The following RETREG2 variants were observed in gnomAD, a reference collection of about 807,000 sequenced individuals.
RETREG2 encodes the protein reticulophagy regulator family member 2.
RETREG2 carries 21 observed loss-of-function variants against 51.6 expected under a neutral mutation model. The observed-to-expected ratio is 0.41, with a 90% confidence interval of 0.29 to 0.59. The LOEUF is 0.59. Among genes scored for constraint, RETREG2 ranks in the 20% least tolerant of loss-of-function variants. The pLI is 0.34. For missense variants in RETREG2, 674 were observed against 646.0 expected, an observed-to-expected ratio of 1.04 and a Z score of -0.47; for synonymous variants, 339 against 288.6, an observed-to-expected ratio of 1.17 and a Z score of -1.77.
chr2:219,179,366 T>C (rs1476508968), intron 2 of RETREG2, among the ~76,000 whole-genome samples: 1 of 152,234 alleles, frequency 6.6e-6, no homozygotes, highest in Non-Finnish European at 1.5e-5. Flanking sequence ...TAGAACTTAC[T>C]TCATAGAGAG....
intron 2 of RETREG2, 140 bp from the exon 3 acceptor site, chr2:219,179,593 C>A: frequency 1.3e-6 from 1 of 779,610 alleles, no homozygotes; most frequent in Non-Finnish European, 2.2e-6. Flanking sequence ...CAGACGCAAA[C>A]AAAAACATGT....
chr2:219,178,753 C>T (rs1950228414), intron 1 of RETREG2, 120 bp downstream of exon 1: 2 of 1,248,754 alleles, frequency 1.6e-6, no homozygotes, highest in East Asian at 5.2e-5. Flanking sequence ...CCAGTTTTTG[C>T]AGGCTGACAT....
Position 219,181,660 on chromosome 2 carries a change from A to C in RETREG2, c.900A>C (p.Ala300=). 6.2e-7 allele frequency: 1 copy of C among 1,614,090 alleles called. No homozygotes were observed. Among genetic ancestry groups the C allele is most frequent in the Non-Finnish European group, 8.5e-7 (1 of 1,179,986 alleles). ...GCCAGGTGGATGTGAAGAAAACAGC[A>C]TTGGCCTTGGCCATTACAGACTCAG... The part of the protein sequence containing the change: ...FSPVVDVKKT[A]LALAITDSEL... Residue 300 remains alanine, a synonymous_variant, in exon 8 of 9, where the codon GCA becomes GCC. Coordinates refer to ENST00000430297, the MANE Select transcript of RETREG2 (RefSeq NM_024293.6).
intron 8 of RETREG2, 105 bp from the exon 9 acceptor site, chr2:219,181,908 T>C (rs1950284788): frequency 1.3e-6 from 2 of 1,559,112 alleles, no homozygotes; most frequent in Non-Finnish European, 1.7e-6. Flanking sequence ...ACCTAAGGCT[T>C]GGCCCAGCTT....
At position 219,182,766 on chromosome 2, in the gene RETREG2, T is replaced by TCTGCCTGC. The variant is rs749566443; in HGVS notation, c.*150_*157dup. On this transcript the variant is annotated 3_prime_UTR_variant, in exon 9 of 9. Transcript: ENST00000430297. The stretch of plus-strand genomic sequence containing the variant: ...CTGTCGGATGGTAGCTATTCCACCC[T>TCTGCCTGC]CTGCCTGCCTGCCTGCCTGCTGTCC... 16 of 961,314 alleles carry TCTGCCTGC rather than the reference T, an allele frequency of 1.7e-5. No homozygotes were observed. The highest frequency in any genetic ancestry group is 3.2e-4 in the Middle Eastern group (1 of 3,092). 59.5% of individuals were successfully genotyped at this position (961,314 alleles called of 1,614,324 possible). A position where few individuals can be genotyped will look rare whatever the true frequency, so the allele number is the denominator to read the frequency against.
chr2:219,180,781 T>A, intron 5 of RETREG2, 27 bp downstream of exon 5: 1 of 1,612,302 alleles, frequency 6.2e-7, no homozygotes, highest in Non-Finnish European at 8.5e-7. Flanking sequence ...CCTGCCCTAT[T>A]TAAAGCCCTC....
intron 2 of RETREG2, 148 bp downstream of exon 2, chr2:219,179,176 A>C: frequency 1.4e-6 from 1 of 709,648 alleles, no homozygotes. Flanking sequence ...AATTCCCTAA[A>C]ATGAGAATTG....
At position 219,181,116 on chromosome 2, in the gene RETREG2, T is replaced by C; in HGVS notation, c.695T>C (p.Met232Thr). Residue 232 changes from methionine (M) to threonine (T), a missense_variant, in exon 6 of 9, where the codon ATG becomes ACG. Transcript: ENST00000430297. ...LVVYHELIQR[M>T]YTRLEPLLMQ... ...GTTTATCATGAGCTGATCCAGAGGA[T>C]GTACACTCGCCTGGAGCCCCTGCTC... The C allele has an allele frequency of 6.2e-7, 1 of 1,614,162 alleles. No individual in the cohort carries two copies. Among genetic ancestry groups the C allele is most frequent in the South Asian group, 1.1e-5 (1 of 91,090 alleles).
rs1052693454 is a variant in RETREG2, at chr2:219,178,397, G to T, written c.45G>T (p.Gly15=). The T allele has an allele frequency of 2.0e-6, 1 of 504,126 alleles. No homozygotes were observed. 31.2% of individuals were successfully genotyped at this position (504,126 alleles called of 1,614,324 possible). ...GGGGNTGAGG[G]PGMGLSLGLG... is the part of the protein sequence containing the mutation. ...GGGGTAACACTGGCGCGGGTGGGGG[G>T]CCGGGGATGGGCCTGAGCCTGGGCC... The change falls in exon 1 of 9, where the codon GGG becomes GGT. Residue 15 remains glycine (G), a synonymous_variant. Coordinates refer to ENST00000430297, the MANE Select transcript of RETREG2 (RefSeq NM_024293.6).
At chr2:219,180,323 A>G in intron 4 of RETREG2, 78 bp downstream of exon 4, 2 of 1,555,224 alleles carry the variant, frequency 1.3e-6, no homozygotes, top group Non-Finnish European at 1.8e-6. Flanking sequence ...GTGGAGTGAT[A>G]TAAACTCCCC....
At position 219,182,213 on chromosome 2, in the gene RETREG2, C is replaced by T. The variant is rs1950290613; in HGVS notation, c.1216C>T (p.His406Tyr). ...ETLLRLSSPL[H>Y]FVNTHFNGAG... The stretch of plus-strand genomic sequence containing the variant: ...CTTGTTGCGGCTCTCATCCCCCCTC[C>T]ACTTTGTGAACACGCACTTCAATGG... Residue 406 changes from histidine (H) to tyrosine (Y), a missense_variant, in exon 9 of 9, where the codon CAC becomes TAC. His to Tyr is a moderately conservative substitution (Grantham distance 83, BLOSUM62 2). Transcript: ENST00000430297. 2 of 1,614,026 alleles carry T rather than the reference C, an allele frequency of 1.2e-6. No homozygotes were observed. Among genetic ancestry groups the T allele is most frequent in the Non-Finnish European group, 8.5e-7 (1 of 1,180,026 alleles).
intron 2 of RETREG2, 50 bp from the exon 3 acceptor site, chr2:219,179,681 GTC>G: frequency 6.4e-7 from 1 of 1,572,632 alleles, no homozygotes; most frequent in South Asian, 1.1e-5. Context: ...CTTGGGGAGT[GTC>G]TCCCAGGGCC....
At position 219,180,956 on chromosome 2, in the gene RETREG2, G is replaced by A. The variant is rs1313512440; in HGVS notation, c.641-106G>A. ...GCAAGAAGAGGTTGGCACAGCCTTG[G>A]GAAAGGACCTTGCCTACCTTCAGCA... is the stretch of plus-strand genomic sequence containing the variant. On this transcript the variant is annotated intron_variant, in intron 5 of 8. Transcript: ENST00000430297. The A allele has an allele frequency of 4.6e-6, 7 of 1,515,178 alleles. No homozygotes were observed. The East Asian group carries it at 1.6e-4, about 34-fold the overall frequency. 93.9% of individuals were successfully genotyped at this position (1,515,178 alleles called of 1,614,324 possible).
At chr2:219,181,286 A>G in intron 6 of RETREG2, 81 bp downstream of exon 6, 3 of 1,606,700 alleles carry the variant, frequency 1.9e-6, no homozygotes, top group African/African-American at 2.7e-5. Flanking sequence ...TGGAATTGAG[A>G]TCTTCTCCAG....
At position 219,182,134 on chromosome 2, in the gene RETREG2, A is replaced by C; in HGVS notation, c.1137A>C (p.Ser379=). The C allele has an allele frequency of 6.2e-7, 1 of 1,614,078 alleles. No homozygotes were observed. The highest frequency in any genetic ancestry group is 2.2e-5 in the East Asian group (1 of 44,876). ...TACTAGGCCGTCCTCAAGCTCTGTC[A>C]AGGCAAGCCCTGGACTCGGAGGAAG... ...EDLLGRPQAL[S]RQALDSEEEE... Residue 379 remains serine (S), a synonymous_variant, in exon 9 of 9, where the codon TCA becomes TCC. Coordinates refer to ENST00000430297, the MANE Select transcript of RETREG2 (RefSeq NM_024293.6).
At chr2:219,179,599 CAT>C (rs1484465902) in intron 2 of RETREG2, 132 bp from the exon 3 acceptor site, 1 of 799,926 alleles carries the variant, frequency 1.3e-6, no homozygotes, top group Non-Finnish European at 2.2e-6. Flanking sequence ...CAAACAAAAA[CAT>C]GTAACAGCTC....
chr2:219,181,497 A>G lies in RETREG2; in HGVS notation c.879+34A>G, dbSNP rs1338330260. The stretch of plus-strand genomic sequence containing the variant: ...CAGGGAAAGCGGGGGTGTCAAATAG[A>G]AAGCCAGAGGAAAAATCTTTCTGCT... On this transcript the variant is annotated intron_variant, in intron 7 of 8. Coordinates refer to ENST00000430297, the MANE Select transcript of RETREG2 (RefSeq NM_024293.6). 4.3e-6 allele frequency: 7 copies of G among 1,611,014 alleles called. No individual in the cohort carries two copies. The African/African-American group carries it at 8.0e-5, about 18-fold the overall frequency.
intron 2 of RETREG2, among the ~76,000 whole-genome samples, chr2:219,179,390 T>G (rs1950242810): frequency 1.3e-5 from 2 of 152,196 alleles, no homozygotes; most frequent in South Asian, 4.1e-4. Context: ...AGGAGAGGAT[T>G]AATGAGTTAA....
rs771605020 is a variant in RETREG2, at chr2:219,182,386, C to G, written c.1389C>G (p.Ser463=). The G allele has an allele frequency of 3.7e-6, 6 of 1,614,110 alleles. No individual in the cohort carries two copies. The Admixed American group carries it at 1.0e-4, about 27-fold the overall frequency. Residue 463 remains serine, a synonymous_variant, in exon 9 of 9, where the codon TCC becomes TCG. Transcript: ENST00000430297. Reference sequence around the variant, plus strand: ...TTGTTGGAAGTGACCCAGCCCCCTCCCCTTCCATTCTCCCACCTGTTCCCC... The same window carrying G: ...TTGTTGGAAGTGACCCAGCCCCCTCGCCTTCCATTCTCCCACCTGTTCCCC... ...LCLVGSDPAP[S]PSILPPVPQD...
Sources: allele counts gnomAD v4.1 joint callset (sites outside exome capture counted in the v4.1 genomes callset), GRCh38; gene constraint gnomAD v4.1.1; transcripts MANE v1.5; gene names NCBI Gene and HGNC (gene_info 2026-07-23, HGNC 2026-07-21).